DDX10: variants seen among roughly 807,000 people sequenced by gnomAD.
DDX10 encodes DEAD-box helicase 10, also known as probable ATP-dependent RNA helicase DDX10.
DDX10 carries 74 observed loss-of-function variants against 104.3 expected under a neutral mutation model. The ratio of observed to expected loss-of-function variants is 0.71; its 90% CI spans 0.59 to 0.86. The LOEUF is 0.86. DDX10 is among the 40% of genes least tolerant of loss of function. DDX10 has a pLI of 0.00. For synonymous variants in DDX10, 351 were observed against 353.4 expected, an observed-to-expected ratio of 0.99 and a Z score of 0.08; for missense variants, 952 against 1,040.0, an observed-to-expected ratio of 0.92 and a Z score of 1.16.
At chr11:108,814,179 C>T (rs146790663) in intron 13 of DDX10, among the ~76,000 whole-genome samples, 16 of 152,202 alleles carry the variant, frequency 1.1e-4, no homozygotes, top group African/African-American at 3.9e-4. Flanking sequence ...TCTCTAGTTA[C>T]TCAGATGGCA....
At chr11:108,786,276 G>A (rs964124708) in intron 13 of DDX10, among the ~76,000 whole-genome samples, 8 of 151,984 alleles carry the variant, frequency 5.3e-5, no homozygotes, top group African/African-American at 1.9e-4. Flanking sequence ...CTCAGCATGT[G>A]GTTGATCTTT....
intron 13 of DDX10, among the ~76,000 whole-genome samples, chr11:108,837,618 T>TA (rs1862574065): frequency 9.0e-6 from 1 of 111,604 alleles, no homozygotes. Context: ...TTTTTTTTTT[T>TA]TTTTTTTTTT....
chr11:108,766,205 A>G (rs1044383058), intron 13 of DDX10, among the ~76,000 whole-genome samples: 8 of 152,130 alleles, frequency 5.3e-5, no homozygotes, highest in Admixed American at 1.3e-4. Context: ...TATATCCCTC[A>G]CAGAATCCAG....
intron 13 of DDX10, among the ~76,000 whole-genome samples, chr11:108,822,081 C>T (rs186515360): frequency 1.1e-3 from 162 of 152,240 alleles, no homozygotes; most frequent in Middle Eastern, 3.4e-3. Flanking sequence ...TTGATGAAAT[C>T]GAATCATATC....
intron 13 of DDX10, among the ~76,000 whole-genome samples, chr11:108,831,813 T>C (rs540493468): frequency 6.6e-6 from 1 of 152,306 alleles, no homozygotes; most frequent in African/African-American, 2.4e-5. Context: ...ATGGTCCTTA[T>C]GATAAGAACC....
chr11:108,777,880 A>G (rs2094372214), intron 13 of DDX10, among the ~76,000 whole-genome samples: 1 of 152,248 alleles, frequency 6.6e-6, no homozygotes, highest in African/African-American at 2.4e-5. Context: ...AAAAATCACA[A>G]GCATTCCTAT....
At chr11:108,818,621 A>G (rs1418260139) in intron 13 of DDX10, among the ~76,000 whole-genome samples, 1 of 152,208 alleles carries the variant, frequency 6.6e-6, no homozygotes, top group African/African-American at 2.4e-5. Flanking sequence ...TAAGTTATTT[A>G]ATGTTTCATT....
intron 13 of DDX10, among the ~76,000 whole-genome samples, chr11:108,819,679 A>G (rs776844156): frequency 9.9e-5 from 15 of 151,640 alleles, no homozygotes; most frequent in Non-Finnish European, 1.9e-4. Context: ...GCTCACTATA[A>G]CCTCCGCCTC....
chr11:108,808,216 T>TA (rs1488216357), intron 13 of DDX10, among the ~76,000 whole-genome samples: 1 of 152,168 alleles, frequency 6.6e-6, no homozygotes, highest in East Asian at 1.9e-4. Context: ...GAGTTTTTTT[T>TA]ACAAATTTTT....
At chr11:108,783,510 G>GTC (rs562470788) in intron 13 of DDX10, among the ~76,000 whole-genome samples, 3 of 152,146 alleles carry the variant, frequency 2.0e-5, no homozygotes, top group Non-Finnish European at 4.4e-5. Flanking sequence ...ATATGGTGCA[G>GTC]TCTTTTGGAT....
chr11:108,693,691 GGTAA>G (rs2094255934), intron 9 of DDX10, 91 bp downstream of exon 9: 21 of 1,022,228 alleles, frequency 2.1e-5, no homozygotes, highest in Non-Finnish European at 6.2e-6. Context: ...AAAGGAATCA[GGTAA>G]GTGAGTGCTG....
chr11:108,914,018 C>A (rs887557488), intron 16 of DDX10, among the ~76,000 whole-genome samples: 1 of 152,122 alleles, frequency 6.6e-6, no homozygotes, highest in South Asian at 2.1e-4. Flanking sequence ...TTTTGTAGGT[C>A]AGGAAATAGC....
At chr11:108,775,577 CAG>C (rs929287323) in intron 13 of DDX10, among the ~76,000 whole-genome samples, 13 of 152,178 alleles carry the variant, frequency 8.5e-5, no homozygotes, top group South Asian at 2.1e-4. Context: ...CATGTGAGAA[CAG>C]GGAATGCATT....
rs77211292 is a variant in DDX10 at position 108,784,948 on chromosome 11, G to A, written c.1966-53498G>A. ...TCTGGTATCATTTATTGAATAAGGA[G>A]CCCTTTCCCCATTGTTTATTCTTGT... On this transcript the variant is annotated intron_variant, in intron 13 of 17. Coordinates refer to ENST00000322536, the MANE Select transcript of DDX10 (RefSeq NM_004398.4). Among the ~76,000 whole-genome samples the A allele has an allele frequency of 9.9e-5, 15 of 152,204 alleles. No homozygotes were observed. The East Asian group carries it at 2.9e-3, about 29-fold the overall frequency.
intron 12 of DDX10, among the ~76,000 whole-genome samples, chr11:108,720,903 T>G (rs1444146737): frequency 6.6e-6 from 1 of 151,364 alleles, no homozygotes; most frequent in African/African-American, 2.4e-5. Context: ...GGGTTTTTTT[T>G]TTTTTTTTAA....
At chr11:108,737,934 T>C (rs2094320376) in intron 13 of DDX10, among the ~76,000 whole-genome samples, 1 of 152,170 alleles carries the variant, frequency 6.6e-6, no homozygotes, top group Non-Finnish European at 1.5e-5. Context: ...CTGATTTTTG[T>C]CATGGGAAGA....
chr11:108,887,359 C>T (rs1256050265), intron 16 of DDX10, among the ~76,000 whole-genome samples: 1 of 151,328 alleles, frequency 6.6e-6, no homozygotes. Flanking sequence ...TTTAAAAAAC[C>T]TTAGAAATAC....
At chr11:108,866,381 A>G (rs1863008274) in intron 16 of DDX10, among the ~76,000 whole-genome samples, 1 of 152,104 alleles carries the variant, frequency 6.6e-6, no homozygotes. Context: ...AATAGGATCA[A>G]TTTTGTTTGC....
intron 16 of DDX10, among the ~76,000 whole-genome samples, chr11:108,908,773 A>C (rs1013118786): frequency 1.3e-5 from 2 of 152,210 alleles, no homozygotes; most frequent in African/African-American, 4.8e-5. Flanking sequence ...GGAAATGAAA[A>C]GTGTGTTATT....
Sources: allele counts gnomAD v4.1 joint callset (sites outside exome capture counted in the v4.1 genomes callset), GRCh38; gene constraint gnomAD v4.1.1; transcripts MANE v1.5; gene names NCBI Gene and HGNC (gene_info 2026-07-23, HGNC 2026-07-21).